CNBD2: variants seen among roughly 807,000 people sequenced by gnomAD.
The protein encoded by CNBD2 is cyclic nucleotide-binding domain-containing protein 2.
In CNBD2, 64 loss-of-function variants were observed where a neutral mutation model predicts 63.7. The ratio of observed to expected loss-of-function variants is 1.00; its 90% confidence interval spans 0.82 to 1.24. The LOEUF is 1.24. CNBD2 is among the 50% of genes most tolerant of loss of function. The probability of loss-of-function intolerance (pLI) is 0.00; values close to 1 mark genes in which losing one functional copy is unlikely to be tolerated. For synonymous variants in CNBD2, 229 were observed against 255.4 expected (o/e 0.90, Z 0.99); for missense variants, 691 against 713.5 (o/e 0.97, Z 0.36).
intron 11 of CNBD2, among the ~76,000 whole-genome samples, chr20:36,029,766 T>G (rs1220938071): frequency 2.0e-5 from 3 of 152,236 alleles, no homozygotes; most frequent in Non-Finnish European, 4.4e-5. Context: ...GCTTGTCTGC[T>G]TAGGTAAGAG....
chr20:35,980,741 G>T, intron 4 of CNBD2, 119 bp downstream of exon 4: 1 of 901,634 alleles, frequency 1.1e-6, no homozygotes, highest in Non-Finnish European at 1.7e-6. Context: ...CATGAATGAA[G>T]TCTTCTGTCC....
chr20:35,992,453 C>T (rs2056760267), intron 7 of CNBD2, among the ~76,000 whole-genome samples: 1 of 152,176 alleles, frequency 6.6e-6, no homozygotes, highest in Non-Finnish European at 1.5e-5. Context: ...TTTGCTGTCT[C>T]ACCCCAGAGA....
At chr20:35,972,965 C>T in intron 2 of CNBD2, 199 bp downstream of exon 2, 1 of 598,652 alleles carries the variant, frequency 1.7e-6, no homozygotes, top group Non-Finnish European at 2.9e-6. Flanking sequence ...TTACCTAATA[C>T]TGAACCCCAG....
intron 8 of CNBD2, 54 bp downstream of exon 8, chr20:35,995,206 C>A: frequency 8.3e-7 from 1 of 1,202,400 alleles, no homozygotes; most frequent in Non-Finnish European, 1.2e-6. Context: ...TGTCCTGTTT[C>A]CAGTTCCCAG....
At chr20:35,988,815 C>G (rs755384010) in intron 7 of CNBD2, among the ~76,000 whole-genome samples, 1 of 152,036 alleles carries the variant, frequency 6.6e-6, no homozygotes, top group Admixed American at 6.6e-5. Context: ...GCTCTGCCAG[C>G]CTTGCATGTC....
chr20:36,008,466 G>C lies in CNBD2; in HGVS notation c.1140G>C (p.Pro380=). ...SGDTLPKMLG[P]KIQSRPAQSI... The stretch of plus-strand genomic sequence containing the variant: ...ACACTCTCCCCAAGATGCTGGGCCC[G>C]AAGATCCAGTAAGCTCAGCCCTGGG... The change falls in exon 9 of 12, where the codon CCG becomes CCC. Residue 380 remains proline, a synonymous_variant. Coordinates refer to ENST00000373973, the MANE Select transcript of CNBD2 (RefSeq NM_001365709.1). 1 of 1,610,284 alleles carries C rather than the reference G, an allele frequency of 6.2e-7. No individual in the cohort carries two copies. The highest frequency in any genetic ancestry group is 1.3e-5 in the African/African-American group (1 of 74,654).
Position 35,987,712 on chromosome 20 carries a change from A to G in CNBD2, c.855+179A>G, listed in dbSNP as rs1464114794. Reference sequence around the variant, plus strand: ...TGCCTCTCACAGAGCATGGCTAGAGACATTAGATATATGGCTATTGTGTTA... The same window carrying G: ...TGCCTCTCACAGAGCATGGCTAGAGGCATTAGATATATGGCTATTGTGTTA... On this transcript the variant is annotated intron_variant, in intron 7 of 11. Transcript: ENST00000373973. Among the ~76,000 whole-genome samples, 3 of 152,144 alleles carry G rather than the reference A, an allele frequency of 2.0e-5. No homozygotes were observed. In the East Asian group the frequency reaches 5.8e-4, roughly 29 times the overall value.
chr20:36,028,171 C>T (rs2057303280), intron 11 of CNBD2, among the ~76,000 whole-genome samples: 1 of 152,116 alleles, frequency 6.6e-6, no homozygotes, highest in Non-Finnish European at 1.5e-5. Context: ...AGCCTTAGCT[C>T]CTTGCATATT....
intron 3 of CNBD2, among the ~76,000 whole-genome samples, 185 bp from the exon 4 acceptor site, chr20:35,980,274 A>G (rs1377638510): frequency 3.3e-5 from 5 of 152,220 alleles, no homozygotes; most frequent in Admixed American, 2.6e-4. Context: ...TTGGGCTGGC[A>G]GGATGCAGTG....
chr20:36,007,355 G>T (rs565418771), intron 8 of CNBD2, among the ~76,000 whole-genome samples: 2 of 151,646 alleles, frequency 1.3e-5, no homozygotes, highest in South Asian at 4.2e-4. Context: ...TTTCTATGTT[G>T]CCCAGGCTGA....
chr20:35,959,403 A>G (rs1043212940), downstream of CNBD2: 1 of 152,356 alleles, frequency 6.6e-6, no homozygotes, highest in Non-Finnish European at 1.5e-5. Flanking sequence ...AAGACGTTTA[A>G]TGAACTCACA....
intron 4 of CNBD2, among the ~76,000 whole-genome samples, chr20:35,980,962 G>T (rs979362572): frequency 2.0e-5 from 3 of 152,104 alleles, no homozygotes; most frequent in Non-Finnish European, 4.4e-5. Flanking sequence ...AAGAAACAGC[G>T]CTGAAGCTCT....
chr20:35,994,141 C>A (rs980094582), intron 7 of CNBD2, among the ~76,000 whole-genome samples: 2 of 151,644 alleles, frequency 1.3e-5, no homozygotes, highest in Admixed American at 1.3e-4. Context: ...TCTTGGCTCA[C>A]TGCAACCTCT....
At chr20:36,020,439 G>A (rs1191262355) in intron 10 of CNBD2, among the ~76,000 whole-genome samples, 1 of 152,118 alleles carries the variant, frequency 6.6e-6, no homozygotes, top group Non-Finnish European at 1.5e-5. Context: ...AATAAGAATA[G>A]GAGTCAGCTC....
intron 10 of CNBD2, among the ~76,000 whole-genome samples, chr20:36,022,195 C>CTTTTTCTTTTT (rs1230527853): frequency 1.8e-5 from 1 of 56,264 alleles, no homozygotes; most frequent in African/African-American, 7.9e-5. Flanking sequence ...TTTTTTTTTT[C>CTTTTTCTTTTT]TTTTTTTTTT....
intron 8 of CNBD2, among the ~76,000 whole-genome samples, chr20:35,996,076 C>G (rs1260880713): frequency 6.6e-6 from 1 of 152,196 alleles, no homozygotes; most frequent in African/African-American, 2.4e-5. Flanking sequence ...GTTTCTCATG[C>G]TGGACCAGAT....
At chr20:36,009,437 C>T (rs944255711) in intron 9 of CNBD2, among the ~76,000 whole-genome samples, 14 of 151,820 alleles carry the variant, frequency 9.2e-5, no homozygotes, top group Non-Finnish European at 1.5e-4. Context: ...CTCCTGACCT[C>T]GTGATCCGCC....
At chr20:36,000,833 A>C (rs1359091607) in intron 8 of CNBD2, among the ~76,000 whole-genome samples, 2 of 136,258 alleles carry the variant, frequency 1.5e-5, no homozygotes, top group Admixed American at 1.6e-4. Flanking sequence ...ACAATAGTGG[A>C]GGGAAGGTCA....
chr20:36,007,474 C>A (rs1489257452), intron 8 of CNBD2, among the ~76,000 whole-genome samples: 1 of 152,106 alleles, frequency 6.6e-6, no homozygotes, highest in African/African-American at 2.4e-5. Context: ...AAATAACTCT[C>A]ATGGAGGGCC....
Sources: gnomAD v4.1 joint callset for allele counts (sites outside exome capture counted in the v4.1 genomes callset) on GRCh38, gnomAD v4.1.1 for gene constraint, MANE v1.5 for transcripts, NCBI Gene and HGNC (gene_info 2026-07-23, HGNC 2026-07-21) for gene names.